The following CCSER1 variants were observed in gnomAD, a reference collection of about 807,000 sequenced individuals.
CCSER1 encodes serine-rich coiled-coil domain-containing protein 1.
A neutral mutation model predicts 82.0 loss-of-function variants in CCSER1; 41 were observed. The observed-to-expected ratio is 0.50, with a 90% CI of 0.39 to 0.65. The LOEUF (loss-of-function observed/expected upper bound fraction) is 0.65, where lower values mean the gene tolerates loss of function less well. CCSER1 is among the 30% of genes least tolerant of loss of function. The pLI, the probability that CCSER1 is intolerant of heterozygous loss-of-function variation, is 0.00. For synonymous variants in CCSER1, 414 were observed against 383.9 expected (o/e 1.08, Z -0.92); for missense variants, 1,119 against 1,064.2 (o/e 1.05, Z -0.72).
chr4:91,511,065 G>C (rs1434633286), intron 10 of CCSER1, among the ~76,000 whole-genome samples: 1 of 152,068 alleles, frequency 6.6e-6, no homozygotes, highest in African/African-American at 2.4e-5. Context: ...AGTTACTGCA[G>C]CAATATTTAT....
chr4:90,968,313 T>A (rs1334774265), intron 9 of CCSER1, among the ~76,000 whole-genome samples: 1 of 152,094 alleles, frequency 6.6e-6, no homozygotes, highest in African/African-American at 2.4e-5. Flanking sequence ...GCTTGTGATA[T>A]GCATCCCTTG....
intron 1 of CCSER1, among the ~76,000 whole-genome samples, chr4:90,233,926 G>A (rs558652581): frequency 2.0e-5 from 3 of 151,942 alleles, no homozygotes; most frequent in Admixed American, 1.3e-4. Flanking sequence ...TCTTACATAC[G>A]TTGTTTCTAT....
At chr4:91,024,098 G>A (rs148867243) in intron 9 of CCSER1, among the ~76,000 whole-genome samples, 15 of 152,132 alleles carry the variant, frequency 9.9e-5, no homozygotes, top group African/African-American at 3.4e-4. Flanking sequence ...ATAAAGCCAC[G>A]AGTTCCCTTC....
intron 10 of CCSER1, among the ~76,000 whole-genome samples, chr4:91,389,286 T>C (rs539864930): frequency 8.7e-4 from 132 of 152,146 alleles, no homozygotes; most frequent in African/African-American, 3.1e-3. Flanking sequence ...GTTTTGTTTT[T>C]TGCATGTGGT....
intron 7 of CCSER1, among the ~76,000 whole-genome samples, chr4:90,811,844 AT>A (rs1450301667): frequency 2.1e-5 from 3 of 144,318 alleles, no homozygotes; most frequent in Non-Finnish European, 3.0e-5. Context: ...AGCTAGTTGT[AT>A]CTTGTAGTTA....
intron 3 of CCSER1, among the ~76,000 whole-genome samples, chr4:90,356,080 TTAAC>T (rs1744323358): frequency 6.6e-6 from 1 of 151,918 alleles, no homozygotes; most frequent in African/African-American, 2.4e-5. Flanking sequence ...AAGTATGTAA[TTAAC>T]AAGAACTCTT....
chr4:90,271,872 T>A lies in CCSER1; in HGVS notation c.-41-36372T>A, dbSNP rs1444203629. ...TATATATATATATATATTTTTTTTT[T>A]TTTTTTTTTTTTTTTTTTAAAAGGA... On this transcript the variant is annotated intron_variant, in intron 1 of 10. Transcript: ENST00000509176. Among the ~76,000 whole-genome samples, 247 of 76,402 alleles carry A rather than the reference T, an allele frequency of 3.2e-3. 4 individuals are homozygous for A. The highest frequency in any genetic ancestry group is 0.013 in the African/African-American group (180 of 13,386). 50.1% of individuals were successfully genotyped at this position (76,402 alleles called of 152,430 possible).
chr4:90,559,924 C>T (rs144794021), intron 5 of CCSER1, among the ~76,000 whole-genome samples: 1,859 of 151,258 alleles, frequency 0.012, 35 homozygotes, highest in African/African-American at 0.043. Context: ...GTTCCCCCAG[C>T]CTGGGTGAAA....
chr4:91,524,380 A>T (rs1329161346), intron 10 of CCSER1, among the ~76,000 whole-genome samples: 1 of 152,182 alleles, frequency 6.6e-6, no homozygotes, highest in Non-Finnish European at 1.5e-5. Context: ...CTTTTGAATA[A>T]AAAGGAAAGC....
At chr4:91,493,143 ATG>A (rs1342144864) in intron 10 of CCSER1, among the ~76,000 whole-genome samples, 1 of 150,590 alleles carries the variant, frequency 6.6e-6, no homozygotes, top group East Asian at 1.9e-4. Context: ...AGCCTGAAGG[ATG>A]TGAGTCTTAT....
chr4:90,389,959 T>C lies in CCSER1; in HGVS notation c.1510-10077T>C, dbSNP rs374807579. On this transcript the variant is annotated intron_variant, in intron 3 of 10. Transcript: ENST00000509176. ...CTTTTTAACTTGTCTGTCATTATCATGAGGCATTTTTAGCACCTATTATAT... is the reference window on the plus strand; with the variant it reads ...CTTTTTAACTTGTCTGTCATTATCACGAGGCATTTTTAGCACCTATTATAT... Among the ~76,000 whole-genome samples, 4 of 152,328 alleles carry C rather than the reference T, an allele frequency of 2.6e-5. No individual in the cohort carries two copies. In the East Asian group the frequency reaches 5.8e-4, roughly 22 times the overall value.
chr4:90,463,985 A>C (rs900146298), intron 4 of CCSER1, among the ~76,000 whole-genome samples: 1 of 152,190 alleles, frequency 6.6e-6, no homozygotes, highest in African/African-American at 2.4e-5. Context: ...ATTTTGATGT[A>C]GTCAAACTGG....
chr4:90,479,070 A>G (rs1765513984), intron 5 of CCSER1, among the ~76,000 whole-genome samples: 1 of 151,872 alleles, frequency 6.6e-6, no homozygotes. Context: ...TAATTACTAA[A>G]TTTAGAATCT....
rs1415029924 is a variant in CCSER1 at position 91,601,484 on chromosome 4, A to C, written c.*2427A>C. ...TATGCTAATGTACATCAGTAACTGT[A>C]AAACAGGGGTTCTTTGTAAGTTCCT... On this transcript the variant is annotated 3_prime_UTR_variant, in exon 11 of 11. Transcript: ENST00000509176. 1 of 152,060 alleles carries C rather than the reference A, an allele frequency of 6.6e-6. No homozygotes were observed. 9.4% of individuals were successfully genotyped at this position (152,060 alleles called of 1,614,324 possible).
At chr4:91,246,727 G>A (rs1452767316) in intron 10 of CCSER1, among the ~76,000 whole-genome samples, 2 of 151,728 alleles carry the variant, frequency 1.3e-5, no homozygotes, top group African/African-American at 2.4e-5. Flanking sequence ...ATTACATATT[G>A]CATGTCTATA....
At chr4:90,173,257 G>A (rs1206698318) in intron 1 of CCSER1, among the ~76,000 whole-genome samples, 1 of 151,492 alleles carries the variant, frequency 6.6e-6, no homozygotes, top group African/African-American at 2.4e-5. Flanking sequence ...GGCCATTGTG[G>A]TCCACGAATT....
intron 5 of CCSER1, among the ~76,000 whole-genome samples, chr4:90,543,546 A>C (rs752653216): frequency 1.3e-5 from 2 of 152,176 alleles, no homozygotes; most frequent in Non-Finnish European, 2.9e-5. Context: ...GAGTGCACAG[A>C]ATGTCACACA....
At chr4:90,176,740 G>A (rs1031538326) in intron 1 of CCSER1, among the ~76,000 whole-genome samples, 2 of 152,054 alleles carry the variant, frequency 1.3e-5, no homozygotes, top group Non-Finnish European at 2.9e-5. Flanking sequence ...AGAACGAGGA[G>A]CATTTTGGAG....
chr4:91,386,088 T>C (rs1412621207), intron 10 of CCSER1, among the ~76,000 whole-genome samples: 2 of 151,796 alleles, frequency 1.3e-5, no homozygotes, highest in East Asian at 3.9e-4. Flanking sequence ...ATGAGCACTT[T>C]TAGTGCCCTG....
Sources: allele counts gnomAD v4.1 joint callset (sites outside exome capture counted in the v4.1 genomes callset), GRCh38; gene constraint gnomAD v4.1.1; transcripts MANE v1.5; gene names NCBI Gene and HGNC (gene_info 2026-07-23, HGNC 2026-07-21).